Variants in ADD1 observed in about 807,000 individuals in gnomAD.
The protein encoded by ADD1 is adducin 1.
A neutral mutation model predicts 80.5 loss-of-function variants in ADD1; 24 were observed. The observed-to-expected ratio is 0.30, with a 90% confidence interval of 0.22 to 0.42. ADD1 has a LOEUF of 0.42. ADD1 is among the 10% of genes least tolerant of loss of function. The pLI, the probability that ADD1 is intolerant of heterozygous loss-of-function variation, is 1.00. For synonymous variants in ADD1, 373 were observed against 393.8 expected, an observed-to-expected ratio of 0.95 and a Z score of 0.63; for missense variants, 948 against 1,019.0, an observed-to-expected ratio of 0.93 and a Z score of 0.95.
intron 13 of ADD1, among the ~76,000 whole-genome samples, chr4:2,911,271 G>A (rs1369156207): frequency 6.6e-6 from 1 of 152,024 alleles, no homozygotes; most frequent in Admixed American, 6.5e-5. Context: ...ACTTTCCTTT[G>A]CCTTCCATTT....
chr4:2,929,594 A>T lies in ADD1; in HGVS notation c.*1071A>T, dbSNP rs1560275685. ...GAACCGGAGGGTGACCCATTTCAGGAGGTGCCGGTACCAGCCTGACTAGGT... is the reference window on the plus strand; with the variant it reads ...GAACCGGAGGGTGACCCATTTCAGGTGGTGCCGGTACCAGCCTGACTAGGT... On this transcript the variant is annotated 3_prime_UTR_variant, in exon 16 of 16. Coordinates refer to ENST00000683351, the MANE Select transcript of ADD1 (RefSeq NM_001354761.2). 1 of 152,378 alleles carries T rather than the reference A, an allele frequency of 6.6e-6. No homozygotes were observed. The highest frequency in any genetic ancestry group is 1.9e-4 in the East Asian group (1 of 5,186). 9.4% of individuals were successfully genotyped at this position (152,378 alleles called of 1,614,324 possible).
intron 4 of ADD1, among the ~76,000 whole-genome samples, chr4:2,886,218 C>T (rs1007540327): frequency 2.6e-5 from 4 of 152,216 alleles, no homozygotes; most frequent in Non-Finnish European, 4.4e-5. Flanking sequence ...TCCATACTCA[C>T]ACACACATGG....
intron 14 of ADD1, among the ~76,000 whole-genome samples, chr4:2,915,631 A>G (rs1217903672): frequency 1.3e-5 from 2 of 152,094 alleles, no homozygotes; most frequent in Non-Finnish European, 2.9e-5. Flanking sequence ...ACAGAGTGAG[A>G]CTCTGTCTCA....
chr4:2,928,713 C>T lies in ADD1; in HGVS notation c.*190C>T. 6.9e-6 allele frequency: 4 copies of T among 583,190 alleles called. No homozygotes were observed. Among genetic ancestry groups the T allele is most frequent in the Non-Finnish European group, 1.2e-5 (4 of 339,918 alleles). 36.1% of individuals were successfully genotyped at this position (583,190 alleles called of 1,614,324 possible). A position where few individuals can be genotyped will look rare whatever the true frequency, so the allele number is the denominator to read the frequency against. ...GTGTGCTCAGCAGCCCCACCCCACC[C>T]TGCCCCTTGTCCTCTCAGAGCCTCA... On this transcript the variant is annotated 3_prime_UTR_variant, in exon 16 of 16. Coordinates refer to ENST00000683351, the MANE Select transcript of ADD1 (RefSeq NM_001354761.2).
Position 2,926,744 on chromosome 4 carries a change from T to TG in ADD1, c.2047+633dup. 1 of 1,514,118 alleles carries TG rather than the reference T, an allele frequency of 6.6e-7. No homozygotes were observed. The highest frequency in any genetic ancestry group is 9.0e-7 in the Non-Finnish European group (1 of 1,106,958). 93.8% of individuals were successfully genotyped at this position (1,514,118 alleles called of 1,614,324 possible). A position where few individuals can be genotyped will look rare whatever the true frequency, so the allele number is the denominator to read the frequency against. ...TTGCCTCATTCTCCTGCTTCTTTGT[T>TG]GTTTATTAAGTTTTGTTTTCTGTTT... On this transcript the variant is annotated intron_variant, in intron 15 of 15. Transcript: ENST00000683351. The surrounding 1 kb of genome is among the most constrained non-coding windows in gnomAD (Gnocchi z 5.0).
intron 4 of ADD1, among the ~76,000 whole-genome samples, chr4:2,891,994 C>G (rs1734371226): frequency 6.6e-6 from 1 of 152,178 alleles, no homozygotes; most frequent in Non-Finnish European, 1.5e-5. Flanking sequence ...ACGTTTTAAT[C>G]CTTAAGTCTC....
chr4:2,915,841 G>A (rs1298015102), intron 14 of ADD1, among the ~76,000 whole-genome samples: 1 of 151,890 alleles, frequency 6.6e-6, no homozygotes, highest in African/African-American at 2.4e-5. Flanking sequence ...AGGCACACTT[G>A]TGAGTGGCCC....
chr4:2,881,808 A>G (rs1239804035), intron 2 of ADD1, 90 bp from the exon 3 acceptor site: 21 of 1,197,932 alleles, frequency 1.8e-5, no homozygotes, highest in Non-Finnish European at 2.4e-5. Flanking sequence ...GGATGAAAAC[A>G]AAAATTGGTC....
intron 15 of ADD1, among the ~76,000 whole-genome samples, chr4:2,927,799 A>C (rs1204298376): frequency 6.6e-6 from 1 of 152,238 alleles, no homozygotes; most frequent in East Asian, 1.9e-4. Context: ...CTACTAGTAC[A>C]TGCCCTTAGG....
chr4:2,875,947 C>G lies in ADD1; in HGVS notation c.32C>G (p.Thr11Ser). 1 of 1,611,852 alleles carries G rather than the reference C, an allele frequency of 6.2e-7. No individual in the cohort carries two copies. Among genetic ancestry groups the G allele is most frequent in the Non-Finnish European group, 8.5e-7 (1 of 1,179,098 alleles). MNGDSRAAVV[T>S]SPPPTTAPHK... Reference sequence around the variant, plus strand: ...GGTGATTCTCGTGCTGCGGTGGTGACCTCACCACCCCCGACCACAGCCCCT... The same window carrying G: ...GGTGATTCTCGTGCTGCGGTGGTGAGCTCACCACCCCCGACCACAGCCCCT... Residue 11 changes from threonine to serine, a missense_variant, in exon 2 of 16, where the codon ACC becomes AGC. Transcript: ENST00000683351.
chr4:2,912,507 T>C (rs1577691479), intron 13 of ADD1, among the ~76,000 whole-genome samples: 1 of 152,094 alleles, frequency 6.6e-6, no homozygotes, highest in Non-Finnish European at 1.5e-5. Flanking sequence ...TTGATGTCTC[T>C]GTGCCAATGG....
intron 9 of ADD1, chr4:2,899,707 G>A: frequency 2.2e-6 from 1 of 460,502 alleles, no homozygotes; most frequent in East Asian, 4.5e-5. Context: ...TAGGCAGCTG[G>A]ATGACCAGCT....
intron 13 of ADD1, 113 bp from the exon 14 acceptor site, chr4:2,914,771 G>A (rs1738696208): frequency 4.0e-6 from 5 of 1,265,526 alleles, no homozygotes; most frequent in Admixed American, 2.4e-5. Flanking sequence ...AGTCTCAGGG[G>A]TCTCTGCTCC....
At chr4:2,912,871 G>C (rs574266438) in intron 13 of ADD1, among the ~76,000 whole-genome samples, 1 of 152,240 alleles carries the variant, frequency 6.6e-6, no homozygotes, top group South Asian at 2.1e-4. Context: ...TTGAGACGGA[G>C]TCTTGCTCTG....
intron 1 of ADD1, among the ~76,000 whole-genome samples, chr4:2,864,728 C>T (rs1039911691): frequency 1.3e-5 from 2 of 151,812 alleles, no homozygotes; most frequent in Non-Finnish European, 2.9e-5. Context: ...GTCTACTCTC[C>T]AGGAGGTGGG....
chr4:2,885,106 G>A (rs557714566), intron 4 of ADD1, among the ~76,000 whole-genome samples: 398 of 152,194 alleles, frequency 2.6e-3, no homozygotes, highest in Non-Finnish European at 4.3e-3. Context: ...TGGACCAAGC[G>A]CTGTTCTAAC....
Position 2,928,282 on chromosome 4 carries a change from T to C in ADD1, c.2159T>C (p.Leu720Ser). The C allele has an allele frequency of 6.2e-7, 1 of 1,613,868 alleles. No individual in the cohort carries two copies. The highest frequency in any genetic ancestry group is 8.5e-7 in the Non-Finnish European group (1 of 1,179,980). ...EPSEALGFPM[L>S]EKEEEAHRPP... ...TCAGAAGCACTCGGCTTCCCAATGT[T>C]AGAGAAGGAGGAGGAAGCCCATAGA... Residue 720 changes from leucine to serine, a missense_variant, in exon 16 of 16, where the codon TTA becomes TCA. By Grantham distance (145) the Leu-to-Ser change is moderately radical. Coordinates refer to ENST00000683351, the MANE Select transcript of ADD1 (RefSeq NM_001354761.2).
At chr4:2,899,539 A>G (rs779210115) in intron 9 of ADD1, 104 bp downstream of exon 9, 9 of 1,256,180 alleles carry the variant, frequency 7.2e-6, no homozygotes, top group East Asian at 2.4e-5. Flanking sequence ...CAGTATCTGA[A>G]TACCTTCACC....
At chr4:2,890,422 G>GTTA (rs1260525778) in intron 4 of ADD1, among the ~76,000 whole-genome samples, 1 of 151,952 alleles carries the variant, frequency 6.6e-6, no homozygotes, top group Non-Finnish European at 1.5e-5. Context: ...TGTTGTTGTT[G>GTTA]TTTGAGACAG....
Sources: gnomAD v4.1 joint callset for allele counts (sites outside exome capture counted in the v4.1 genomes callset) on GRCh38, gnomAD v4.1.1 for gene constraint, Gnocchi (gnomAD v3.1) non-coding constraint, MANE v1.5 for transcripts, NCBI Gene and HGNC (gene_info 2026-07-23, HGNC 2026-07-21) for gene names.